SCAI: variants seen among roughly 807,000 people sequenced by gnomAD.
SCAI encodes suppressor of cancer cell invasion, also known as protein SCAI.
In SCAI, 24 loss-of-function variants were observed where a neutral mutation model predicts 92.2. That is an observed-to-expected ratio of 0.26 (90% CI 0.19 to 0.37). The LOEUF (loss-of-function observed/expected upper bound fraction) is 0.37. Ranked by LOEUF, SCAI falls within the 10% of genes least tolerant of loss-of-function variation. The probability of loss-of-function intolerance (pLI) is 1.00; values close to 1 mark genes in which losing one functional copy is unlikely to be tolerated. For missense variants in SCAI, 450 were observed against 736.2 expected (o/e 0.61, Z 4.50); for synonymous variants, 261 against 258.6 (o/e 1.01, Z -0.09).
chr9:125,091,972 A>C lies in SCAI; in HGVS notation c.99-35965T>G, dbSNP rs1170380276. 4.0e-5 allele frequency among the ~76,000 whole-genome samples: 6 copies of C among 151,716 alleles called. No individual in the cohort carries two copies. The highest frequency in any genetic ancestry group is 7.4e-5 in the Non-Finnish European group (5 of 67,926). On this transcript the variant is annotated intron_variant, in intron 2 of 17. Coordinates refer to ENST00000336505, the MANE Select transcript of SCAI (RefSeq NM_001144877.3). The surrounding 1 kb of genome is among the most constrained non-coding windows in gnomAD (Gnocchi z 4.3). ...CAAAAATAAAAAAATAAAAATAAAA[A>C]TAAAAAAATTAGCCAGGCGTGGTGG...
intron 3 of SCAI, among the ~76,000 whole-genome samples, chr9:125,034,610 G>A (rs1041883500): frequency 6.6e-6 from 1 of 152,116 alleles, no homozygotes; most frequent in Non-Finnish European, 1.5e-5. Context: ...TTTGCCAGGC[G>A]TAGTGGCACA....
intron 17 of SCAI, among the ~76,000 whole-genome samples, chr9:124,963,533 T>G (rs1345496843): frequency 1.3e-5 from 2 of 151,824 alleles, no homozygotes; most frequent in African/African-American, 4.8e-5. Context: ...GAGGATCACT[T>G]GAGGCCAGGA....
intron 2 of SCAI, among the ~76,000 whole-genome samples, chr9:125,068,414 C>A (rs1348112410): frequency 6.6e-6 from 1 of 152,104 alleles, no homozygotes; most frequent in Non-Finnish European, 1.5e-5. Flanking sequence ...GCAGGAGGAT[C>A]CCCTGAGCCC....
intron 8 of SCAI, 45 bp from the exon 9 acceptor site, chr9:125,018,996 A>G (rs199776651): frequency 1.1e-5 from 17 of 1,592,994 alleles, no homozygotes; most frequent in African/African-American, 8.1e-5. Flanking sequence ...CCAAGACTAA[A>G]TATCAATAGA....
chr9:125,123,990 G>A (rs1434687798), intron 2 of SCAI, among the ~76,000 whole-genome samples: 2 of 152,214 alleles, frequency 1.3e-5, no homozygotes, highest in East Asian at 3.9e-4. Flanking sequence ...AATACAAACA[G>A]TGGTGCCTAG....
intron 13 of SCAI, 61 bp from the exon 14 acceptor site, chr9:124,995,076 C>T: frequency 7.6e-7 from 1 of 1,315,658 alleles, no homozygotes; most frequent in Non-Finnish European, 1.1e-6. Context: ...AAATCTTATT[C>T]TTCAGTTTGG....
At chr9:124,953,442 C>T (rs1831264910) in intron 17 of SCAI, among the ~76,000 whole-genome samples, 1 of 152,018 alleles carries the variant, frequency 6.6e-6, no homozygotes, top group South Asian at 2.1e-4. Flanking sequence ...GCCTGGCCAA[C>T]ATGCTGAAAC....
chr9:125,038,489 T>A (rs959182328), intron 3 of SCAI, among the ~76,000 whole-genome samples: 1 of 152,206 alleles, frequency 6.6e-6, no homozygotes, highest in East Asian at 1.9e-4. Flanking sequence ...TCCAAATAAT[T>A]TTTCCCCCAA....
intron 2 of SCAI, among the ~76,000 whole-genome samples, chr9:125,113,662 G>C (rs1389944981): frequency 1.6e-5 from 2 of 126,748 alleles, no homozygotes; most frequent in Admixed American, 1.7e-4. Flanking sequence ...AAAGTATAAA[G>C]ATTTTTTTTT....
intron 14 of SCAI, among the ~76,000 whole-genome samples, chr9:124,992,097 A>T (rs1053956665): frequency 4.6e-5 from 7 of 152,002 alleles, no homozygotes; most frequent in Non-Finnish European, 1.5e-5. Flanking sequence ...TTAAATTTTT[A>T]AAATAGATTT....
chr9:125,033,847 T>G (rs559193115), intron 3 of SCAI, among the ~76,000 whole-genome samples: 1 of 152,148 alleles, frequency 6.6e-6, no homozygotes, highest in African/African-American at 2.4e-5. Flanking sequence ...CATACAGAAA[T>G]AAAAAGAGAG....
chr9:125,078,935 C>T (rs1026586372), intron 2 of SCAI, among the ~76,000 whole-genome samples: 12 of 152,096 alleles, frequency 7.9e-5, no homozygotes, highest in African/African-American at 2.9e-4. Flanking sequence ...AATCAAAAAA[C>T]TTTCAATTCT....
chr9:125,016,018 T>C (rs1408652239), intron 9 of SCAI, among the ~76,000 whole-genome samples: 11 of 101,000 alleles, frequency 1.1e-4, no homozygotes, highest in Admixed American at 7.5e-4. Flanking sequence ...CATCACACTT[T>C]GGGGACTGTT....
chr9:125,034,538 C>A (rs1462006624), intron 3 of SCAI, among the ~76,000 whole-genome samples: 1 of 152,050 alleles, frequency 6.6e-6, no homozygotes, highest in Admixed American at 6.6e-5. Context: ...GAGTTCAAGA[C>A]CAGCCTGGAC....
At chr9:125,125,287 C>A (rs1028509870) in intron 2 of SCAI, among the ~76,000 whole-genome samples, 18 of 152,120 alleles carry the variant, frequency 1.2e-4, no homozygotes, top group Admixed American at 5.2e-4. Flanking sequence ...AATCCCAGCA[C>A]TTTGAGTGGC....
At chr9:125,041,051 A>G (rs1833310268) in intron 3 of SCAI, among the ~76,000 whole-genome samples, 1 of 152,212 alleles carries the variant, frequency 6.6e-6, no homozygotes, top group African/African-American at 2.4e-5. Flanking sequence ...AAAGATCTGC[A>G]TTTTTGTACC....
intron 14 of SCAI, among the ~76,000 whole-genome samples, chr9:124,989,081 GAGA>G (rs1485665855): frequency 4.6e-5 from 7 of 152,154 alleles, no homozygotes; most frequent in Non-Finnish European, 8.8e-5. Flanking sequence ...GGATGTTGCA[GAGA>G]GCCAAGATCG....
chr9:125,042,627 G>GTGTGTGTGTGTGTT (rs1554783826), intron 3 of SCAI, among the ~76,000 whole-genome samples: 2 of 98,896 alleles, frequency 2.0e-5, no homozygotes, highest in Non-Finnish European at 3.8e-5. Context: ...GTGTGTGTGT[G>GTGTGTGTGTGTGTT]TGTGTGTACA....
At chr9:125,134,834 G>A (rs1415249362) in intron 2 of SCAI, among the ~76,000 whole-genome samples, 5 of 152,092 alleles carry the variant, frequency 3.3e-5, no homozygotes, top group African/African-American at 7.2e-5. Context: ...GCGCCACCAC[G>A]CCAGGCTAAT....
Sources: gnomAD v4.1 joint callset for allele counts (sites outside exome capture counted in the v4.1 genomes callset) on GRCh38, gnomAD v4.1.1 for gene constraint, Gnocchi (gnomAD v3.1) non-coding constraint, MANE v1.5 for transcripts, NCBI Gene and HGNC (gene_info 2026-07-23, HGNC 2026-07-21) for gene names.